HIBCH: variants seen among roughly 807,000 people sequenced by gnomAD.
The protein encoded by HIBCH is 3-hydroxyisobutyryl-CoA hydrolase.
A neutral mutation model predicts 58.2 loss-of-function variants in HIBCH; 50 were observed. The ratio of observed to expected loss-of-function variants is 0.86; its 90% CI spans 0.68 to 1.09. HIBCH has a LOEUF of 1.09. Among genes scored for constraint, HIBCH ranks in the 50% least tolerant of loss-of-function variants. HIBCH has a pLI of 0.00. For missense variants in HIBCH, 450 were observed against 449.7 expected, an observed-to-expected ratio of 1.00 and a Z score of -0.01; for synonymous variants, 151 against 146.9, an observed-to-expected ratio of 1.03 and a Z score of -0.20.
chr2:190,294,970 G>A (rs535581493), intron 3 of HIBCH, among the ~76,000 whole-genome samples: 6 of 152,246 alleles, frequency 3.9e-5, no homozygotes, highest in East Asian at 3.9e-4. Flanking sequence ...TTACATAAAC[G>A]TATAAATTTG....
At position 190,304,904 on chromosome 2, in the gene HIBCH, G is replaced by A. The variant is rs1688363445; in HGVS notation, c.78+5850C>T. On this transcript the variant is annotated intron_variant, in intron 2 of 13. Coordinates refer to ENST00000359678, the MANE Select transcript of HIBCH (RefSeq NM_014362.4). The surrounding 1 kb of genome is among the most constrained non-coding windows in gnomAD (Gnocchi z 4.1). ...TGTATCCCTGTGCTGGAATTTATAAGACACAGTATGCTTTAGTAAAAAAAG... is the reference window on the plus strand; with the variant it reads ...TGTATCCCTGTGCTGGAATTTATAAAACACAGTATGCTTTAGTAAAAAAAG... Among the ~76,000 whole-genome samples the A allele has an allele frequency of 6.6e-6, 1 of 152,126 alleles. No individual in the cohort carries two copies. Among genetic ancestry groups the A allele is most frequent in the Non-Finnish European group, 1.5e-5 (1 of 68,014 alleles).
At chr2:190,272,675 T>C (rs1687430579) in intron 6 of HIBCH, among the ~76,000 whole-genome samples, 1 of 151,886 alleles carries the variant, frequency 6.6e-6, no homozygotes, top group Non-Finnish European at 1.5e-5. Flanking sequence ...CCTGTAGATC[T>C]CAGAATCTGT....
intron 2 of HIBCH, among the ~76,000 whole-genome samples, chr2:190,298,644 T>C (rs1045772502): frequency 1.3e-5 from 2 of 152,174 alleles, no homozygotes; most frequent in African/African-American, 4.8e-5. Flanking sequence ...ATTAGACCTT[T>C]GTCAGATGGG....
At chr2:190,289,306 TATAA>T (rs1248741323) in intron 5 of HIBCH, among the ~76,000 whole-genome samples, 6 of 152,310 alleles carry the variant, frequency 3.9e-5, no homozygotes, top group African/African-American at 1.2e-4. Flanking sequence ...TATGCCAATA[TATAA>T]ATGTTTATTT....
intron 4 of HIBCH, among the ~76,000 whole-genome samples, chr2:190,293,168 T>C (rs1687998667): frequency 1.3e-5 from 2 of 150,264 alleles, no homozygotes; most frequent in South Asian, 2.1e-4. Flanking sequence ...GAAAGGCTAA[T>C]TCAAGGCTGA....
intron 1 of HIBCH, among the ~76,000 whole-genome samples, chr2:190,191,921 CTT>C (rs1175397547): frequency 6.6e-6 from 1 of 150,472 alleles, no homozygotes; most frequent in East Asian, 2.0e-4. Context: ...TTTTTTCAAT[CTT>C]TTAACTGTGT....
At chr2:190,313,939 A>G (rs1195349920) in intron 1 of HIBCH, among the ~76,000 whole-genome samples, 2 of 152,178 alleles carry the variant, frequency 1.3e-5, no homozygotes, top group African/African-American at 2.4e-5. Context: ...CACCACGTCT[A>G]AAATGTTTTC....
chr2:190,219,442 T>C (rs916759879), intron 11 of HIBCH, among the ~76,000 whole-genome samples: 1 of 152,194 alleles, frequency 6.6e-6, no homozygotes, highest in South Asian at 2.1e-4. Flanking sequence ...TGGCCTCCAC[T>C]TTCTCCACCA....
At chr2:190,308,599 A>G (rs1244888232) in intron 2 of HIBCH, among the ~76,000 whole-genome samples, 3 of 152,168 alleles carry the variant, frequency 2.0e-5, no homozygotes, top group African/African-American at 7.2e-5. Flanking sequence ...ATGATGTCCT[A>G]TACCGCCTTA....
At chr2:190,316,952 T>C (rs291462) in intron 1 of HIBCH, among the ~76,000 whole-genome samples, 84,670 of 152,152 alleles carry the variant, frequency 0.56, 24,314 homozygotes, top group South Asian at 0.61. Flanking sequence ...GGTTTTTCCA[T>C]GTTGCCCAGG....
chr2:190,267,612 T>C lies in HIBCH; in HGVS notation c.439-6378A>G, dbSNP rs112463706. On this transcript the variant is annotated intron_variant, in intron 6 of 13. Transcript: ENST00000359678. Reference sequence around the variant, plus strand: ...AGTGCTAGTGCCATATTGTTCACTATGGAACTCATTAAGTAATTCAGCTTC... The same window carrying C: ...AGTGCTAGTGCCATATTGTTCACTACGGAACTCATTAAGTAATTCAGCTTC... Among the ~76,000 whole-genome samples, 886 of 152,198 alleles carry C rather than the reference T, an allele frequency of 5.8e-3. 11 individuals are homozygous for C. The highest frequency in any genetic ancestry group is 0.02 in the African/African-American group (851 of 41,564).
At chr2:190,280,538 G>T (rs756260236) in intron 6 of HIBCH, among the ~76,000 whole-genome samples, 1 of 152,152 alleles carries the variant, frequency 6.6e-6, no homozygotes, top group Non-Finnish European at 1.5e-5. Context: ...TAAGATCTCA[G>T]GAGCTGGGCG....
intron 6 of HIBCH, among the ~76,000 whole-genome samples, chr2:190,269,989 T>A (rs1452049082): frequency 6.6e-6 from 1 of 151,828 alleles, no homozygotes; most frequent in Non-Finnish European, 1.5e-5. Context: ...AAACCAAATG[T>A]ATGTTCTCAT....
intron 1 of HIBCH, among the ~76,000 whole-genome samples, chr2:190,195,590 C>T (rs1689932267): frequency 6.6e-6 from 1 of 152,142 alleles, no homozygotes; most frequent in African/African-American, 2.4e-5. Flanking sequence ...GATCTTTTGC[C>T]CATTTTTCAA....
intron 6 of HIBCH, among the ~76,000 whole-genome samples, chr2:190,268,902 G>C (rs780393337): frequency 5.3e-5 from 8 of 152,108 alleles, no homozygotes; most frequent in Non-Finnish European, 1.2e-4. Flanking sequence ...CAATGGAACA[G>C]GACAGAGCCC....
intron 8 of HIBCH, among the ~76,000 whole-genome samples, chr2:190,251,956 C>A (rs955876457): frequency 2.0e-5 from 3 of 151,988 alleles, no homozygotes; most frequent in Non-Finnish European, 4.4e-5. Flanking sequence ...ATCCAGGTAT[C>A]ATTATCTCCA....
intron 6 of HIBCH, among the ~76,000 whole-genome samples, chr2:190,263,521 G>A (rs1372679148): frequency 1.3e-5 from 2 of 152,062 alleles, no homozygotes; most frequent in Non-Finnish European, 2.9e-5. Flanking sequence ...ACTGTACTCT[G>A]TCCTGTCTAC....
chr2:190,239,277 T>G (rs978747734), intron 11 of HIBCH, among the ~76,000 whole-genome samples: 1 of 152,166 alleles, frequency 6.6e-6, no homozygotes, highest in African/African-American at 2.4e-5. Context: ...TGGTTGTAGG[T>G]GTGTGGTGTT....
intron 11 of HIBCH, among the ~76,000 whole-genome samples, chr2:190,222,781 A>G (rs901303654): frequency 3.9e-5 from 6 of 152,246 alleles, no homozygotes; most frequent in African/African-American, 1.2e-4. Flanking sequence ...GTATATACCC[A>G]AAGGATTATA....
Sources: gnomAD v4.1 joint callset for allele counts (sites outside exome capture counted in the v4.1 genomes callset) on GRCh38, gnomAD v4.1.1 for gene constraint, Gnocchi (gnomAD v3.1) non-coding constraint, MANE v1.5 for transcripts, NCBI Gene and HGNC (gene_info 2026-07-23, HGNC 2026-07-21) for gene names.